ARHGEF6: variants seen among roughly 807,000 people sequenced by gnomAD.
The protein encoded by ARHGEF6 is rho guanine nucleotide exchange factor 6.
Under a neutral mutation model 70.3 loss-of-function variants are expected in ARHGEF6, and 9 were observed. The ratio of observed to expected loss-of-function variants is 0.13; its 90% CI spans 0.08 to 0.22. ARHGEF6 has a LOEUF of 0.22. ARHGEF6 is among the 10% of genes least tolerant of loss of function. The pLI, the probability that ARHGEF6 is intolerant of heterozygous loss-of-function variation, is 1.00. For missense variants in ARHGEF6, 470 were observed against 563.0 expected (o/e 0.83, Z 1.67); for synonymous variants, 201 against 207.8 (o/e 0.97, Z 0.28).
intron 6 of ARHGEF6, among the ~76,000 whole-genome samples, chrX:136,727,379 TTCTTTCTTTCTTTCTTTC>T (rs1420132898): frequency 9.1e-4 from 57 of 62,672 alleles, no homozygotes; most frequent in Middle Eastern, 8.3e-3. Flanking sequence ...CTTTCTTTCT[TTCTTTCTTTCTTTCTTTC>T]TCTCTCTCTC....
chrX:136,773,088 G>A (rs1195139278), intron 2 of ARHGEF6, among the ~76,000 whole-genome samples: 1 of 111,360 alleles, frequency 9.0e-6, no homozygotes, highest in Non-Finnish European at 1.9e-5. Context: ...GGACCAGAAG[G>A]CAACAGCTTT....
In ARHGEF6 at chrX:136,667,376, T is replaced by A. The variant is rs1311114867; in HGVS notation, c.*653A>T. The A allele has an allele frequency of 8.9e-6, 1 of 112,948 alleles. No homozygotes were observed. Among genetic ancestry groups the A allele is most frequent in the Admixed American group, 9.3e-5 (1 of 10,773 alleles). The allele number at this position is 112,948 out of a possible 1,213,427, so 9.3% of individuals were successfully genotyped here. Reference sequence around the variant, plus strand: ...ACAAAAGGAATAAGGGTACTACAGTTTTCTTGGTCTTATAGACAACATAGG... The same window carrying A: ...ACAAAAGGAATAAGGGTACTACAGTATTCTTGGTCTTATAGACAACATAGG... On this transcript the variant is annotated 3_prime_UTR_variant, in exon 22 of 22. Transcript: ENST00000250617.
chrX:136,675,847 G>T (rs774061011), intron 18 of ARHGEF6, among the ~76,000 whole-genome samples: 1 of 110,256 alleles, frequency 9.1e-6, no homozygotes, highest in African/African-American at 3.3e-5. Flanking sequence ...TAACCAGTCA[G>T]CATAGTCACT....
At chrX:136,740,389 G>T (rs1436754145) in intron 5 of ARHGEF6, among the ~76,000 whole-genome samples, 1 of 111,336 alleles carries the variant, frequency 9.0e-6, no homozygotes, top group Non-Finnish European at 1.9e-5. Context: ...GGGCAGAGAT[G>T]CCAATTAGGA....
intron 12 of ARHGEF6, among the ~76,000 whole-genome samples, chrX:136,683,506 G>A (rs891773773): frequency 9.0e-6 from 1 of 110,546 alleles, no homozygotes; most frequent in East Asian, 2.8e-4. Context: ...TTACACACAT[G>A]TGCCACCACT....
chrX:136,682,467 A>G (rs933761972), intron 13 of ARHGEF6, among the ~76,000 whole-genome samples: 4 of 112,248 alleles, frequency 3.6e-5, no homozygotes, highest in Non-Finnish European at 5.6e-5. Context: ...AGCAATAATG[A>G]CATGGGCCTG....
At chrX:136,688,051 G>A (rs1248269286) in intron 10 of ARHGEF6, 60 bp from the exon 11 acceptor site, 61 of 928,124 alleles carry the variant, frequency 6.6e-5, no homozygotes, top group Non-Finnish European at 9.2e-5. Context: ...AGTTGCCAAG[G>A]GTTAGGGGTA....
At chrX:136,768,966 G>A (rs1386275329) in intron 2 of ARHGEF6, among the ~76,000 whole-genome samples, 1 of 106,813 alleles carries the variant, frequency 9.4e-6, no homozygotes, top group Non-Finnish European at 1.9e-5. Flanking sequence ...AAGAAAGAAA[G>A]AGAGAGGGGG....
intron 13 of ARHGEF6, 114 bp downstream of exon 13, chrX:136,682,644 A>T: frequency 1.7e-6 from 1 of 580,292 alleles, no homozygotes; most frequent in Non-Finnish European, 3.0e-6. Context: ...AAGGGTCAGA[A>T]CATTCTGGTT....
At chrX:136,680,316 A>C (rs1293629216) in intron 15 of ARHGEF6, among the ~76,000 whole-genome samples, 1 of 112,854 alleles carries the variant, frequency 8.9e-6, no homozygotes, top group Non-Finnish European at 1.9e-5. Flanking sequence ...TACTGAGCAA[A>C]TGTGAGAGCA....
intron 7 of ARHGEF6, among the ~76,000 whole-genome samples, chrX:136,712,107 G>GTTGT (rs753996909): frequency 7.8e-4 from 86 of 110,903 alleles, no homozygotes; most frequent in African/African-American, 2.7e-3. Flanking sequence ...TGTTGTTGTT[G>GTTGT]TTGTTTGTTT....
chrX:136,690,809 C>A (rs2076450783), intron 9 of ARHGEF6, 61 bp from the exon 10 acceptor site: 1 of 1,128,145 alleles, frequency 8.9e-7, no homozygotes, highest in Non-Finnish European at 1.2e-6. Flanking sequence ...GAATTATCAA[C>A]CTAAAATTAT....
chrX:136,709,163 T>C (rs1326140543), intron 7 of ARHGEF6, among the ~76,000 whole-genome samples: 1 of 112,434 alleles, frequency 8.9e-6, no homozygotes, highest in Non-Finnish European at 1.9e-5. Flanking sequence ...GCTCATATAA[T>C]ACACAAGAAA....
chrX:136,705,480 C>A (rs2148613682), intron 9 of ARHGEF6, among the ~76,000 whole-genome samples: 1 of 111,819 alleles, frequency 8.9e-6, no homozygotes, highest in Non-Finnish European at 1.9e-5. Flanking sequence ...GTCTGACAGA[C>A]CTGGATTCTG....
chrX:136,731,861 T>A (rs370481996), intron 6 of ARHGEF6, among the ~76,000 whole-genome samples: 2 of 112,500 alleles, frequency 1.8e-5, no homozygotes, highest in African/African-American at 6.5e-5. Context: ...TGCTGTTTAA[T>A]AGGGCTTGCT....
At chrX:136,753,913 T>C (rs2077178094) in intron 2 of ARHGEF6, among the ~76,000 whole-genome samples, 1 of 112,245 alleles carries the variant, frequency 8.9e-6, no homozygotes, top group African/African-American at 3.2e-5. Flanking sequence ...CAGCTTTAAC[T>C]CTCTATGTTT....
At chrX:136,686,369 T>A (rs1438506339) in intron 11 of ARHGEF6, among the ~76,000 whole-genome samples, 1 of 108,933 alleles carries the variant, frequency 9.2e-6, no homozygotes. Context: ...CCACAGTGAA[T>A]CAAACTTATA....
intron 6 of ARHGEF6, among the ~76,000 whole-genome samples, chrX:136,724,417 C>G (rs2076833305): frequency 9.0e-6 from 1 of 111,268 alleles, no homozygotes; most frequent in Non-Finnish European, 1.9e-5. Flanking sequence ...TGGTAACAAG[C>G]CATCTCACAT....
chrX:136,701,642 G>T (rs1323983788), intron 9 of ARHGEF6, among the ~76,000 whole-genome samples: 1 of 106,220 alleles, frequency 9.4e-6, no homozygotes, highest in Non-Finnish European at 1.9e-5. Context: ...ACAAAACTTG[G>T]ATACATGGAA....
Sources: allele counts gnomAD v4.1 joint callset (sites outside exome capture counted in the v4.1 genomes callset), GRCh38; gene constraint gnomAD v4.1.1; transcripts MANE v1.5; gene names NCBI Gene and HGNC (gene_info 2026-07-23, HGNC 2026-07-21).